The following ABLIM1 variants were observed in gnomAD, a reference collection of about 807,000 sequenced individuals.
The protein encoded by ABLIM1 is actin binding LIM protein 1.
ABLIM1 carries 40 observed loss-of-function variants against 107.0 expected under a neutral mutation model. That is an observed-to-expected ratio of 0.37 (90% CI 0.29 to 0.49). The LOEUF (loss-of-function observed/expected upper bound fraction) is 0.49. Ranked by LOEUF, ABLIM1 falls within the 20% of genes least tolerant of loss-of-function variation. ABLIM1 has a pLI of 0.97. For missense variants in ABLIM1, 857 were observed against 1,008.5 expected, an observed-to-expected ratio of 0.85 and a Z score of 2.04; for synonymous variants, 357 against 357.3, an observed-to-expected ratio of 1.00 and a Z score of 0.01.
chr10:114,790,394 A>G, the ABLIM1 span, among the ~76,000 whole-genome samples: 1 of 151,980 alleles, frequency 6.6e-6, no homozygotes, highest in Non-Finnish European at 1.5e-5. Flanking sequence ...TTTAAAAGAC[A>G]TTGGAAATTG....
At chr10:114,560,307 T>A (rs2069495524) in intron 4 of ABLIM1, among the ~76,000 whole-genome samples, 1 of 152,234 alleles carries the variant, frequency 6.6e-6, no homozygotes, top group Admixed American at 6.5e-5. Context: ...GTAAACATTA[T>A]TCAGCCATAA....
At chr10:114,772,713 A>G (rs1320711382), upstream of ABLIM1, among the ~76,000 whole-genome samples, 1 of 152,244 alleles carries the variant, frequency 6.6e-6, no homozygotes. Flanking sequence ...CAGGAAAAGA[A>G]GCCATGCTGA....
intron 2 of ABLIM1, among the ~76,000 whole-genome samples, chr10:114,593,368 A>G (rs1420131128): frequency 1.1e-4 from 16 of 152,186 alleles, no homozygotes; most frequent in Non-Finnish European, 1.9e-4. Flanking sequence ...GGCAGAAGAC[A>G]TGAAACTCCT....
the ABLIM1 span, among the ~76,000 whole-genome samples, chr10:114,793,543 G>C: frequency 6.6e-6 from 1 of 152,136 alleles, no homozygotes. Flanking sequence ...GCTTTATGCT[G>C]CACTTTATGC....
intron 4 of ABLIM1, among the ~76,000 whole-genome samples, chr10:114,553,873 T>A (rs567389287): frequency 6.6e-6 from 1 of 152,156 alleles, no homozygotes; most frequent in African/African-American, 2.4e-5. Context: ...TGGAGGTACA[T>A]GAATGTCCCA....
the ABLIM1 span, among the ~76,000 whole-genome samples, chr10:114,788,108 T>A: frequency 4.0e-5 from 6 of 151,660 alleles, no homozygotes; most frequent in African/African-American, 1.2e-4. Flanking sequence ...AGATGTGCTT[T>A]GTTAAACAGA....
chr10:114,497,599 G>A (rs980059271), intron 6 of ABLIM1, among the ~76,000 whole-genome samples: 1 of 147,530 alleles, frequency 6.8e-6, no homozygotes, highest in Non-Finnish European at 1.5e-5. Flanking sequence ...GGAGAATGGC[G>A]CGAACCCGGG....
At chr10:114,587,953 C>T (rs996594726) in intron 2 of ABLIM1, among the ~76,000 whole-genome samples, 1 of 152,096 alleles carries the variant, frequency 6.6e-6, no homozygotes, top group East Asian at 1.9e-4. Flanking sequence ...GGGGTAGGTA[C>T]CATGTTATGT....
At chr10:114,670,301 T>C (rs1844459306) in intron 1 of ABLIM1, among the ~76,000 whole-genome samples, 2 of 152,174 alleles carry the variant, frequency 1.3e-5, no homozygotes, top group African/African-American at 4.8e-5. Flanking sequence ...ACCCCTAAAA[T>C]TTCAAACTTG....
intron 6 of ABLIM1, chr10:114,527,011 T>C: frequency 1.0e-6 from 1 of 979,210 alleles, no homozygotes; most frequent in Non-Finnish European, 1.2e-6. Context: ...ATTTACTTTC[T>C]TTCTTTTTTT....
chr10:114,641,642 T>C (rs1042712797), intron 1 of ABLIM1, among the ~76,000 whole-genome samples: 3 of 152,160 alleles, frequency 2.0e-5, no homozygotes, highest in East Asian at 1.9e-4. Context: ...GGACGTGCTA[T>C]GTGAGTAAGT....
At chr10:114,639,984 C>T (rs2483517) in intron 1 of ABLIM1, among the ~76,000 whole-genome samples, 4,321 of 152,246 alleles carry the variant, frequency 0.028, 211 homozygotes, top group African/African-American at 0.099. Context: ...AACCAGGATG[C>T]TTGCTTTGAA....
At chr10:114,702,589 C>A (rs1487791069) in intron 1 of ABLIM1, among the ~76,000 whole-genome samples, 1 of 147,846 alleles carries the variant, frequency 6.8e-6, no homozygotes, top group Non-Finnish European at 1.5e-5. Flanking sequence ...TGCAGTGGCG[C>A]GATCTCGGCT....
At chr10:114,756,216 C>T (rs761083986) in intron 1 of ABLIM1, among the ~76,000 whole-genome samples, 4 of 152,094 alleles carry the variant, frequency 2.6e-5, no homozygotes, top group Admixed American at 6.5e-5. Context: ...TTAAATGCTA[C>T]CTTTACTATA....
At chr10:114,491,012 G>GTGTGTGTATGTATATATATATA in intron 7 of ABLIM1, among the ~76,000 whole-genome samples, 2 of 92,396 alleles carry the variant, frequency 2.2e-5, no homozygotes, top group African/African-American at 9.2e-5. Context: ...GTGTGTGTGT[G>GTGTGTGTATGTATATATATATA]TATATATATA....
At chr10:114,461,620 A>G (rs2063934207) in intron 12 of ABLIM1, among the ~76,000 whole-genome samples, 1 of 152,028 alleles carries the variant, frequency 6.6e-6, no homozygotes, top group Non-Finnish European at 1.5e-5. Context: ...GGAGTTTGAG[A>G]CCAGCCTGGC....
chr10:114,538,082 A>G (rs1565868926), intron 6 of ABLIM1, among the ~76,000 whole-genome samples: 1 of 152,240 alleles, frequency 6.6e-6, no homozygotes, highest in Non-Finnish European at 1.5e-5. Flanking sequence ...ACTGCCACAT[A>G]ACATACTTAA....
At chr10:114,683,815 C>G (rs112530822) in intron 1 of ABLIM1, among the ~76,000 whole-genome samples, 9 of 152,274 alleles carry the variant, frequency 5.9e-5, no homozygotes, top group African/African-American at 2.2e-4. Context: ...CCTGGGGATG[C>G]TGAGCAGGAC....
intron 1 of ABLIM1, among the ~76,000 whole-genome samples, chr10:114,622,327 T>C (rs2077523241): frequency 6.7e-6 from 1 of 149,026 alleles, no homozygotes; most frequent in South Asian, 2.2e-4. Context: ...GCTCATCGCA[T>C]CCTCGACCTC....
Sources: gnomAD v4.1 joint callset for allele counts (sites outside exome capture counted in the v4.1 genomes callset) on GRCh38, gnomAD v4.1.1 for gene constraint, MANE v1.5 for transcripts, NCBI Gene and HGNC (gene_info 2026-07-23, HGNC 2026-07-21) for gene names.